N4BP1: variants seen among roughly 807,000 people sequenced by gnomAD.
The protein encoded by N4BP1 is NEDD4-binding protein 1.
In N4BP1, 21 loss-of-function variants were observed where a neutral mutation model predicts 70.9. The ratio of observed to expected loss-of-function variants is 0.30; its 90% confidence interval spans 0.21 to 0.43. The LOEUF is 0.43. Ranked by LOEUF, N4BP1 falls within the 20% of genes least tolerant of loss-of-function variation. N4BP1 has a pLI of 1.00. For synonymous variants in N4BP1, 387 were observed against 394.6 expected, an observed-to-expected ratio of 0.98 and a Z score of 0.23; for missense variants, 936 against 1,069.4, an observed-to-expected ratio of 0.88 and a Z score of 1.74.
In N4BP1 at chr16:48,602,796, A is replaced by AAAATAAAT. The variant is rs142256457; in HGVS notation, c.198+6971_198+6978dup. Among the ~76,000 whole-genome samples, 643 of 146,770 alleles carry AAAATAAAT rather than the reference A, an allele frequency of 4.4e-3. 3 individuals are homozygous for AAAATAAAT. The highest frequency in any genetic ancestry group is 0.01 in the Middle Eastern group (3 of 292). ...GGAAACCCCATCTCTATAAAAAATA[A>AAAATAAAT]AAATAAATAAATAAATAAATAAATA... On this transcript the variant is annotated intron_variant, in intron 1 of 6. Transcript: ENST00000262384.
At chr16:48,591,720 C>A (rs1964341958) in intron 1 of N4BP1, among the ~76,000 whole-genome samples, 1 of 144,774 alleles carries the variant, frequency 6.9e-6, no homozygotes. Flanking sequence ...TATTTCTCTA[C>A]TTTGCCCTCC....
Position 48,540,304 on chromosome 16 carries a change from T to C in N4BP1, c.*2600A>G, listed in dbSNP as rs1963476575. The C allele has an allele frequency of 6.6e-6, 1 of 152,268 alleles. No individual in the cohort carries two copies. 9.4% of individuals were successfully genotyped at this position (152,268 alleles called of 1,614,324 possible). ...GGCGGGGAGAAGAGGGGTTTCTGTG[T>C]GTAGATCTGAGTCCTCCCTCACATC... On this transcript the variant is annotated 3_prime_UTR_variant, in exon 7 of 7. Transcript: ENST00000262384.
intron 3 of N4BP1, among the ~76,000 whole-genome samples, chr16:48,552,242 T>C (rs1319288840): frequency 3.3e-5 from 5 of 152,016 alleles, no homozygotes; most frequent in African/African-American, 1.2e-4. Flanking sequence ...CCAGTTTTCA[T>C]GGGGGTGGGT....
At chr16:48,565,305 GTTCT>G (rs1963925342) in intron 1 of N4BP1, among the ~76,000 whole-genome samples, 1 of 152,136 alleles carries the variant, frequency 6.6e-6, no homozygotes, top group Non-Finnish European at 1.5e-5. Flanking sequence ...TTTTACCAAC[GTTCT>G]TTATCACATT....
chr16:48,562,428 A>G lies in N4BP1; in HGVS notation c.215T>C (p.Ile72Thr), dbSNP rs1295484146. ...TCTTTCTTCTAGTTCAGGTTCACAG[A>G]TTCCTTTAATATATTCCTGTAAAGA... ...VHSAKEYIKG[I>T]CEPELEEREC... The change falls in exon 2 of 7, where the codon ATC (isoleucine) becomes ACC (threonine). Residue 72 changes from isoleucine to threonine, a missense_variant. Ile to Thr is a moderately conservative substitution (Grantham distance 89, BLOSUM62 -1). Around this residue, in one of 4 missense-constraint regions of N4BP1, gnomAD observed 187 missense variants for 217.1 expected, o/e 0.86. Coordinates refer to ENST00000262384, the MANE Select transcript of N4BP1 (RefSeq NM_153029.4). The G allele has an allele frequency of 6.2e-7, 1 of 1,609,430 alleles. No individual in the cohort carries two copies. Among genetic ancestry groups the G allele is most frequent in the Non-Finnish European group, 8.5e-7 (1 of 1,178,472 alleles).
At chr16:48,602,965 G>A (rs888128704) in intron 1 of N4BP1, among the ~76,000 whole-genome samples, 3 of 151,930 alleles carry the variant, frequency 2.0e-5, no homozygotes, top group African/African-American at 7.2e-5. Context: ...CCTGGTGACA[G>A]AGCCAAACCC....
chr16:48,601,796 G>A (rs1964505398), intron 1 of N4BP1, among the ~76,000 whole-genome samples: 1 of 152,118 alleles, frequency 6.6e-6, no homozygotes, highest in South Asian at 2.1e-4. Context: ...TACAGACTTG[G>A]AACTACTGGA....
intron 1 of N4BP1, among the ~76,000 whole-genome samples, chr16:48,592,814 A>G (rs1259096621): frequency 6.6e-6 from 1 of 152,206 alleles, no homozygotes. Context: ...AAATTCTTCA[A>G]TATACCTCCC....
chr16:48,544,042 G>A (rs950171013), intron 6 of N4BP1, among the ~76,000 whole-genome samples: 7 of 152,236 alleles, frequency 4.6e-5, no homozygotes, highest in Non-Finnish European at 8.8e-5. Flanking sequence ...CCGCGGACCT[G>A]ATTGATGCTC....
At chr16:48,606,801 G>A (rs148940235) in intron 1 of N4BP1, among the ~76,000 whole-genome samples, 11 of 152,298 alleles carry the variant, frequency 7.2e-5, no homozygotes, top group African/African-American at 2.6e-4. Context: ...TGGGACACAA[G>A]ACAGTTCATC....
At chr16:48,553,853 C>G (rs1395366519) in intron 2 of N4BP1, among the ~76,000 whole-genome samples, 184 bp from the exon 3 acceptor site, 3 of 152,162 alleles carry the variant, frequency 2.0e-5, no homozygotes, top group Non-Finnish European at 4.4e-5. Flanking sequence ...GGGGACAGAA[C>G]TCTTAATAGT....
chr16:48,574,237 C>T (rs755009948), intron 1 of N4BP1, among the ~76,000 whole-genome samples: 5 of 152,176 alleles, frequency 3.3e-5, no homozygotes, highest in Admixed American at 6.5e-5. Flanking sequence ...ACACTTCCCA[C>T]CTTCTACTTT....
chr16:48,571,442 C>T (rs1011186549), intron 1 of N4BP1, among the ~76,000 whole-genome samples: 1 of 152,194 alleles, frequency 6.6e-6, no homozygotes, highest in Non-Finnish European at 1.5e-5. Flanking sequence ...ACATCAAAAG[C>T]ACCCACGCTG....
intron 4 of N4BP1, among the ~76,000 whole-genome samples, chr16:48,548,979 A>G (rs2151085652): frequency 6.6e-6 from 1 of 152,344 alleles, no homozygotes; most frequent in South Asian, 2.1e-4. Flanking sequence ...TAAAAAAGGG[A>G]AAGGATGAAG....
intron 2 of N4BP1, among the ~76,000 whole-genome samples, chr16:48,554,758 G>T (rs1298695569): frequency 6.6e-6 from 1 of 152,196 alleles, no homozygotes. Context: ...TGAAAGTCCT[G>T]CCATGATGGG....
chr16:48,563,355 TA>T (rs1162358488), intron 1 of N4BP1, among the ~76,000 whole-genome samples: 2 of 150,832 alleles, frequency 1.3e-5, no homozygotes, highest in Non-Finnish European at 1.5e-5. Context: ...ACCCTATCTC[TA>T]AAAAAAAATT....
chr16:48,570,924 T>C (rs1367639897), intron 1 of N4BP1, among the ~76,000 whole-genome samples: 1 of 152,216 alleles, frequency 6.6e-6, no homozygotes, highest in Non-Finnish European at 1.5e-5. Context: ...CCCGAATAGC[T>C]GGGATTACAG....
chr16:48,599,447 A>C (rs1357196381), intron 1 of N4BP1, among the ~76,000 whole-genome samples: 1 of 152,248 alleles, frequency 6.6e-6, no homozygotes, highest in African/African-American at 2.4e-5. Flanking sequence ...AAACTGTGTC[A>C]GTTATTCCTA....
At chr16:48,558,695 C>T (rs1963795231) in intron 2 of N4BP1, among the ~76,000 whole-genome samples, 1 of 152,152 alleles carries the variant, frequency 6.6e-6, no homozygotes, top group Non-Finnish European at 1.5e-5. Context: ...AATTTTGTGT[C>T]ACGAGTTGGC....
Sources: allele counts gnomAD v4.1 joint callset (sites outside exome capture counted in the v4.1 genomes callset), GRCh38; gene constraint gnomAD v4.1.1; regional missense constraint gnomAD v4.1.1; transcripts MANE v1.5; gene names NCBI Gene and HGNC (gene_info 2026-07-23, HGNC 2026-07-21).